The following SEL1L2 variants were observed in gnomAD, a reference collection of about 807,000 sequenced individuals.
SEL1L2 encodes SEL1L2 adaptor subunit of SYVN1 ubiquitin ligase.
SEL1L2 carries 89 observed loss-of-function variants against 98.8 expected under a neutral mutation model. That is an observed-to-expected ratio of 0.90 (90% CI 0.76 to 1.07). The LOEUF is 1.07. Among genes scored for constraint, SEL1L2 ranks in the 50% least tolerant of loss-of-function variants. SEL1L2 has a pLI of 0.00. For synonymous variants in SEL1L2, 262 were observed against 278.5 expected (o/e 0.94, Z 0.59); for missense variants, 788 against 812.0 (o/e 0.97, Z 0.36).
intron 5 of SEL1L2, among the ~76,000 whole-genome samples, chr20:13,891,719 A>C (rs2047213909): frequency 6.6e-6 from 1 of 151,580 alleles, no homozygotes; most frequent in Non-Finnish European, 1.5e-5. Context: ...AAAACACTAT[A>C]TTTGGTGAAA....
chr20:13,877,608 T>G lies in SEL1L2; in HGVS notation c.958-20A>C. ...TGCTTTCTGGAGAGAAAAGGAACAG[T>G]GTTATTGCTAGTCACAAAATAAATC... On this transcript the variant is annotated intron_variant, in intron 10 of 19. Transcript: ENST00000284951. The G allele has an allele frequency of 6.3e-7, 1 of 1,592,342 alleles. No individual in the cohort carries two copies. The highest frequency in any genetic ancestry group is 8.6e-7 in the Non-Finnish European group (1 of 1,161,894).
At chr20:13,993,662 G>A (rs986760233), upstream of SEL1L2, among the ~76,000 whole-genome samples, 1 of 152,118 alleles carries the variant, frequency 6.6e-6, no homozygotes, top group Non-Finnish European at 1.5e-5. Flanking sequence ...TCTGTTGAAG[G>A]GAAGGTGTCT....
chr20:13,852,350 G>A (rs1988405490), intron 18 of SEL1L2, among the ~76,000 whole-genome samples: 1 of 152,082 alleles, frequency 6.6e-6, no homozygotes, highest in Admixed American at 6.5e-5. Flanking sequence ...GTGTGGGGCT[G>A]GGGGGTGATG....
chr20:13,867,660 C>T (rs1047236992), intron 14 of SEL1L2, among the ~76,000 whole-genome samples: 1 of 151,914 alleles, frequency 6.6e-6, no homozygotes, highest in Non-Finnish European at 1.5e-5. Context: ...GTGGGATACC[C>T]GGTAGATGTT....
intron 5 of SEL1L2, among the ~76,000 whole-genome samples, chr20:13,907,894 A>G (rs1267804680): frequency 6.7e-6 from 1 of 150,260 alleles, no homozygotes; most frequent in Non-Finnish European, 1.5e-5. Context: ...CAGCCTCCCA[A>G]GTGGCTGGGA....
chr20:13,890,091 G>A (rs1023167989), intron 5 of SEL1L2, among the ~76,000 whole-genome samples: 5 of 152,176 alleles, frequency 3.3e-5, no homozygotes, highest in Non-Finnish European at 5.9e-5. Context: ...GGTAAGAAAA[G>A]CCATTTAATT....
At chr20:13,924,957 G>T (rs1166291259) in intron 3 of SEL1L2, among the ~76,000 whole-genome samples, 2 of 152,028 alleles carry the variant, frequency 1.3e-5, no homozygotes, top group Non-Finnish European at 2.9e-5. Flanking sequence ...TGGCCAACAT[G>T]GTGAGATCCT....
At chr20:13,904,927 G>A (rs2047854994) in intron 5 of SEL1L2, among the ~76,000 whole-genome samples, 1 of 152,168 alleles carries the variant, frequency 6.6e-6, no homozygotes, top group African/African-American at 2.4e-5. Context: ...GGATCCTTTT[G>A]TGCGGTGCCT....
chr20:13,849,489 C>G lies in SEL1L2; in HGVS notation c.2063G>C (p.Gly688Ala), dbSNP rs759069759. The change falls in exon 20 of 20, where the codon GGG (glycine) becomes GCG (alanine). Residue 688 changes from glycine to alanine, a missense_variant. Coordinates refer to ENST00000284951, the MANE Select transcript of SEL1L2 (RefSeq NM_025229.2). ...GGTTTTCCTGTGATCCGCATCCTAC[C>G]CATGGTGATTTCTAAGCAACAAAAT... Reference protein sequence around the residue: ...GLILLLRNHHG With the variant: ...GLILLLRNHHA 1.2e-6 allele frequency: 2 copies of G among 1,613,892 alleles called. No individual in the cohort carries two copies. Among genetic ancestry groups the G allele is most frequent in the Non-Finnish European group, 1.7e-6 (2 of 1,179,848 alleles).
rs752173370 is a variant in SEL1L2, at chr20:13,850,235, T to C, written c.1903A>G (p.Lys635Glu). 1.2e-6 allele frequency: 2 copies of C among 1,614,032 alleles called. No homozygotes were observed. Among genetic ancestry groups the C allele is most frequent in the South Asian group, 2.2e-5 (2 of 91,088 alleles). ...CGGAGCAAATGCGTAGTTTCCAGTT[T>C]CATGACGGCAAAGAGCACAGGTATG... Reference protein sequence around the residue: ...AHIPVLFAVMKLETTHLLRDI... With the variant: ...AHIPVLFAVMELETTHLLRDI... The change falls in exon 19 of 20, where the codon AAA becomes GAA. Residue 635 changes from lysine (K) to glutamate (E), a missense_variant. Coordinates refer to ENST00000284951, the MANE Select transcript of SEL1L2 (RefSeq NM_025229.2).
intron 8 of SEL1L2, 51 bp downstream of exon 8, chr20:13,887,717 TC>T: frequency 8.6e-7 from 1 of 1,165,118 alleles, no homozygotes; most frequent in East Asian, 2.3e-5. Flanking sequence ...GATTTATTTT[TC>T]TAATTCCTTG....
rs200164573 is a variant in SEL1L2, at chr20:13,913,940, A to T, written c.391T>A (p.Tyr131Asn). The change falls in exon 5 of 20, where the codon TAC (tyrosine) becomes AAC (asparagine). Residue 131 changes from tyrosine (Y) to asparagine (N), a missense_variant. Transcript: ENST00000284951. ...TCAGCTGCTTTGGCAAAAAGTAGGTAGGCTCTGTTTCAAGAATATAAAGTC... is the reference window on the plus strand; with the variant it reads ...TCAGCTGCTTTGGCAAAAAGTAGGTTGGCTCTGTTTCAAGAATATAAAGTC... ...SKSQKQKEEA[Y>N]LLFAKAADMG... 1.3e-6 allele frequency: 2 copies of T among 1,563,038 alleles called. No individual in the cohort carries two copies. Among genetic ancestry groups the T allele is most frequent in the Admixed American group, 4.3e-5 (2 of 46,632 alleles).
intron 12 of SEL1L2, among the ~76,000 whole-genome samples, chr20:13,871,115 T>A (rs2046171850): frequency 6.6e-6 from 1 of 152,002 alleles, no homozygotes; most frequent in Non-Finnish European, 1.5e-5. Flanking sequence ...ACTTGTTACC[T>A]ACTCAGGTCT....
chr20:13,967,394 C>T (rs933194745), intron 1 of SEL1L2, among the ~76,000 whole-genome samples: 1 of 152,134 alleles, frequency 6.6e-6, no homozygotes, highest in Non-Finnish European at 1.5e-5. Context: ...ACATGTAAAA[C>T]TGACTGGCAT....
chr20:13,851,633 C>T (rs1202475534), intron 18 of SEL1L2, among the ~76,000 whole-genome samples: 1 of 151,438 alleles, frequency 6.6e-6, no homozygotes, highest in Admixed American at 6.6e-5. Context: ...TTTGCCCAAA[C>T]AGAGTGACCG....
chr20:13,940,246 T>A (rs62207706), intron 2 of SEL1L2, among the ~76,000 whole-genome samples: 7,661 of 152,228 alleles, frequency 0.05, 255 homozygotes, highest in Non-Finnish European at 0.073. Flanking sequence ...ATAATTTTGA[T>A]TGGGTGTCCA....
intron 9 of SEL1L2, 108 bp downstream of exon 9, chr20:13,886,180 C>T (rs2046945244): frequency 1.4e-6 from 1 of 706,042 alleles, no homozygotes; most frequent in African/African-American, 1.8e-5. Flanking sequence ...GGGTCTCCCC[C>T]CATTCCTATT....
intron 1 of SEL1L2, among the ~76,000 whole-genome samples, chr20:13,973,632 A>G (rs1202850419): frequency 6.6e-6 from 1 of 152,180 alleles, no homozygotes; most frequent in African/African-American, 2.4e-5. Flanking sequence ...GCCGACCACA[A>G]ATGCTCCCAC....
intron 1 of SEL1L2, among the ~76,000 whole-genome samples, chr20:13,968,962 T>C (rs2051168346): frequency 6.6e-6 from 1 of 152,226 alleles, no homozygotes; most frequent in Non-Finnish European, 1.5e-5. Context: ...ATTCTATTCA[T>C]ACAAAGTATG....
Sources: gnomAD v4.1 joint callset for allele counts (sites outside exome capture counted in the v4.1 genomes callset) on GRCh38, gnomAD v4.1.1 for gene constraint, MANE v1.5 for transcripts, NCBI Gene and HGNC (gene_info 2026-07-23, HGNC 2026-07-21) for gene names.